The following ARMH3 variants were observed in gnomAD, a reference collection of about 807,000 sequenced individuals.
ARMH3 encodes armadillo-like helical domain-containing protein 3.
Under a neutral mutation model 99.1 loss-of-function variants are expected in ARMH3, and 60 were observed. That is an observed-to-expected ratio of 0.61 (90% CI 0.49 to 0.75). The LOEUF (loss-of-function observed/expected upper bound fraction) is 0.75, where lower values mean the gene tolerates loss of function less well. Among genes scored for constraint, ARMH3 ranks in the 30% least tolerant of loss-of-function variants. The pLI is 0.00. For missense variants in ARMH3, 679 were observed against 843.1 expected, an observed-to-expected ratio of 0.81 and a Z score of 2.41; for synonymous variants, 285 against 292.8, an observed-to-expected ratio of 0.97 and a Z score of 0.27.
At chr10:101,944,190 A>G (rs1281038624) in intron 22 of ARMH3, among the ~76,000 whole-genome samples, 1 of 144,434 alleles carries the variant, frequency 6.9e-6, no homozygotes, top group East Asian at 2.0e-4. Flanking sequence ...ACAGTGGCTA[A>G]TGCCTATAAT....
chr10:101,945,410 T>C (rs1201262416), intron 22 of ARMH3, among the ~76,000 whole-genome samples: 1 of 152,052 alleles, frequency 6.6e-6, no homozygotes, highest in Non-Finnish European at 1.5e-5. Flanking sequence ...GCCGAAATCC[T>C]GTCTCTACAA....
chr10:101,864,284 C>T (rs557989311), intron 24 of ARMH3, among the ~76,000 whole-genome samples: 1 of 152,254 alleles, frequency 6.6e-6, no homozygotes, highest in South Asian at 2.1e-4. Flanking sequence ...AACACTTTTA[C>T]ACTGTTGGTG....
intron 24 of ARMH3, among the ~76,000 whole-genome samples, chr10:101,868,723 G>A (rs1009198111): frequency 6.6e-6 from 1 of 152,072 alleles, no homozygotes. Flanking sequence ...TATTGTAAGA[G>A]TACAGTATAT....
intron 23 of ARMH3, among the ~76,000 whole-genome samples, chr10:101,895,737 C>T (rs1057043502): frequency 2.0e-5 from 3 of 152,086 alleles, no homozygotes; most frequent in African/African-American, 7.2e-5. Context: ...AGTGAAAGGA[C>T]AATCCACAGA....
rs1468140631 is a variant in ARMH3 at position 101,895,365 on chromosome 10, C to T, written c.1782-5875G>A. Among the ~76,000 whole-genome samples the T allele has an allele frequency of 2.0e-5, 3 of 151,836 alleles. No individual in the cohort carries two copies. In the East Asian group the frequency reaches 5.8e-4, roughly 29 times the overall value. ...TGCAATCTTGGCTCACTGCAAGCTC[C>T]ACCTCCCGGGTTCACGCCATTCTCC... On this transcript the variant is annotated intron_variant, in intron 23 of 25. Transcript: ENST00000370033.
intron 14 of ARMH3, 124 bp downstream of exon 14, chr10:102,006,416 A>T: frequency 9.9e-7 from 1 of 1,012,056 alleles, no homozygotes; most frequent in Non-Finnish European, 1.5e-6. Flanking sequence ...GAAGGATAGT[A>T]CTACAGACCA....
At chr10:102,036,295 G>A (rs2067268980) in intron 2 of ARMH3, among the ~76,000 whole-genome samples, 3 of 151,532 alleles carry the variant, frequency 2.0e-5, no homozygotes, top group Admixed American at 6.6e-5. Flanking sequence ...CGTCCAGGAG[G>A]TGGGGGGCGC....
At chr10:101,905,292 ATTC>A (rs1246852843) in intron 23 of ARMH3, among the ~76,000 whole-genome samples, 2 of 152,190 alleles carry the variant, frequency 1.3e-5, no homozygotes, top group Admixed American at 1.3e-4. Flanking sequence ...CTATCCACCC[ATTC>A]ACTCAACACT....
At chr10:101,951,292 G>A (rs1844771359) in intron 22 of ARMH3, among the ~76,000 whole-genome samples, 1 of 152,198 alleles carries the variant, frequency 6.6e-6, no homozygotes, top group African/African-American at 2.4e-5. Context: ...TATACTGGCT[G>A]GGTGCAGTGG....
intron 23 of ARMH3, 37 bp downstream of exon 23, chr10:101,939,826 C>T: frequency 6.4e-7 from 1 of 1,565,956 alleles, no homozygotes. Context: ...TCAGGAAGAG[C>T]CAAGGAACTC....
At chr10:102,054,012 C>G (rs921104459) in intron 1 of ARMH3, among the ~76,000 whole-genome samples, 1 of 152,174 alleles carries the variant, frequency 6.6e-6, no homozygotes. Flanking sequence ...CCAAATGTTA[C>G]AGATTCCTAA....
In ARMH3 at chr10:101,866,596, A is replaced by G. The variant is rs367673312; in HGVS notation, c.1861-16704T>C. 7.2e-5 allele frequency among the ~76,000 whole-genome samples: 11 copies of G among 152,248 alleles called. No individual in the cohort carries two copies. In the East Asian group the frequency reaches 2.1e-3, roughly 29 times the overall value. ...TTTGCAAAATACCTTTTTATCTTGT[A>G]TTGAAGATGCAGCTTTTATGTGGAT... On this transcript the variant is annotated intron_variant, in intron 24 of 25. Transcript: ENST00000370033.
At position 101,939,862 on chromosome 10, in the gene ARMH3, C is replaced by G; in HGVS notation, c.1781+1G>C. ...TGCAAGAGATACTTCTCATTCCTTACCTGATATTAACCAATGCATGGGTCA... is the reference window on the plus strand; with the variant it reads ...TGCAAGAGATACTTCTCATTCCTTAGCTGATATTAACCAATGCATGGGTCA... On this transcript the variant is annotated splice_donor_variant, in intron 23 of 25. Transcript: ENST00000370033. LOFTEE classifies it high-confidence loss of function. 1 of 1,613,016 alleles carries G rather than the reference C, an allele frequency of 6.2e-7. No homozygotes were observed. The highest frequency in any genetic ancestry group is 8.5e-7 in the Non-Finnish European group (1 of 1,179,498).
intron 8 of ARMH3, among the ~76,000 whole-genome samples, chr10:102,022,782 G>C (rs1190059954): frequency 1.3e-5 from 2 of 150,856 alleles, no homozygotes; most frequent in African/African-American, 4.8e-5. Flanking sequence ...GGGTTTCACC[G>C]TGTTAGCCAG....
chr10:101,916,934 G>C (rs1040578606), intron 23 of ARMH3, among the ~76,000 whole-genome samples: 3 of 152,096 alleles, frequency 2.0e-5, no homozygotes, highest in African/African-American at 7.2e-5. Flanking sequence ...TTGGACTCTA[G>C]GACTTACACT....
Position 102,023,505 on chromosome 10 carries a change from G to A in ARMH3, c.641C>T (p.Ala214Val), listed in dbSNP as rs1458227724. 1.2e-6 allele frequency: 2 copies of A among 1,614,114 alleles called. No individual in the cohort carries two copies. The highest frequency in any genetic ancestry group is 2.2e-5 in the East Asian group (1 of 44,886). Residue 214 changes from alanine to valine, a missense_variant, in exon 8 of 26, where the codon GCT becomes GTT. Coordinates refer to ENST00000370033, the MANE Select transcript of ARMH3 (RefSeq NM_024541.3). Reference protein sequence around the residue: ...EHGYDAVVLLALLVNYRKYES... With the variant: ...EHGYDAVVLLVLLVNYRKYES... ...ATATTTTCTATAGTTCACCAGCAAA[G>A]CCAAGAGGACGACAGCATCATACCC...
Position 101,878,872 on chromosome 10 carries a change from G to A in ARMH3, c.1860+10540C>T, listed in dbSNP as rs150544880. 1.2e-3 allele frequency among the ~76,000 whole-genome samples: 176 copies of A among 151,936 alleles called. 1 individual carries two copies. Among genetic ancestry groups the A allele is most frequent in the African/African-American group, 3.9e-3 (163 of 41,472 alleles). On this transcript the variant is annotated intron_variant, in intron 24 of 25. Transcript: ENST00000370033. The stretch of plus-strand genomic sequence containing the variant: ...AATTAAGTCATCACGTCCCTTTAGT[G>A]TGTAGAAGAAACTTTATTTCTCATA...
intron 23 of ARMH3, among the ~76,000 whole-genome samples, chr10:101,912,120 C>T (rs904403536): frequency 3.3e-5 from 5 of 152,072 alleles, no homozygotes; most frequent in South Asian, 2.1e-4. Context: ...CATGGCTGGG[C>T]GTGGTGGCTC....
At chr10:102,024,704 A>C (rs944203307) in intron 6 of ARMH3, among the ~76,000 whole-genome samples, 1 of 151,820 alleles carries the variant, frequency 6.6e-6, no homozygotes, top group Non-Finnish European at 1.5e-5. Flanking sequence ...CTGTAATCCC[A>C]GCTACTTGGG....
Sources: gnomAD v4.1 joint callset for allele counts (sites outside exome capture counted in the v4.1 genomes callset) on GRCh38, gnomAD v4.1.1 for gene constraint, MANE v1.5 for transcripts, NCBI Gene and HGNC (gene_info 2026-07-23, HGNC 2026-07-21) for gene names.